CSMD1: variants seen among roughly 807,000 people sequenced by gnomAD.
CSMD1 encodes CUB and sushi domain-containing protein 1.
Under a neutral mutation model 417.5 loss-of-function variants are expected in CSMD1, and 213 were observed. The ratio of observed to expected loss-of-function variants is 0.51; its 90% confidence interval spans 0.46 to 0.57. The LOEUF is 0.57. Ranked by LOEUF, CSMD1 falls within the 20% of genes least tolerant of loss-of-function variation. CSMD1 has a pLI of 0.00. For missense variants in CSMD1, 6,923 were observed against 4,529.7 expected, an observed-to-expected ratio of 1.53 and a Z score of -15.17; for synonymous variants, 2,862 against 1,736.8, an observed-to-expected ratio of 1.65 and a Z score of -16.11.
At chr8:3,923,325 T>C (rs561390412) in intron 5 of CSMD1, among the ~76,000 whole-genome samples, 1 of 152,218 alleles carries the variant, frequency 6.6e-6, no homozygotes, top group Admixed American at 6.5e-5. Context: ...TATGTATATA[T>C]ACACATACAT....
At chr8:3,176,254 T>C (rs775279754) in intron 37 of CSMD1, among the ~76,000 whole-genome samples, 1 of 152,188 alleles carries the variant, frequency 6.6e-6, no homozygotes, top group African/African-American at 2.4e-5. Flanking sequence ...AAGCAATTCT[T>C]AATTAGAGGG....
At chr8:4,954,801 T>C (rs1808980195) in intron 1 of CSMD1, among the ~76,000 whole-genome samples, 1 of 152,114 alleles carries the variant, frequency 6.6e-6, no homozygotes, top group Non-Finnish European at 1.5e-5. Flanking sequence ...TACTTGACTT[T>C]AAGAAAAAAA....
intron 9 of CSMD1, among the ~76,000 whole-genome samples, chr8:3,583,681 T>C (rs550732345): frequency 6.6e-6 from 1 of 151,970 alleles, no homozygotes; most frequent in African/African-American, 2.4e-5. Flanking sequence ...TTTTGAAACT[T>C]CTCAGCCTCT....
intron 1 of CSMD1, among the ~76,000 whole-genome samples, chr8:4,877,003 T>C (rs1358889776): frequency 2.0e-5 from 3 of 152,082 alleles, no homozygotes; most frequent in African/African-American, 7.2e-5. Flanking sequence ...AATACAAAGA[T>C]AAAAGAGTTT....
intron 5 of CSMD1, among the ~76,000 whole-genome samples, chr8:3,888,046 T>C (rs1282501699): frequency 6.6e-6 from 1 of 152,172 alleles, no homozygotes; most frequent in African/African-American, 2.4e-5. Context: ...GTACAAAAGA[T>C]ATTGGAAAAT....
intron 8 of CSMD1, among the ~76,000 whole-genome samples, chr8:3,595,599 G>C (rs536567261): frequency 1.3e-5 from 2 of 152,124 alleles, no homozygotes; most frequent in Admixed American, 6.5e-5. Context: ...ATATAGGATG[G>C]TTCCAGGGTA....
At chr8:3,593,088 T>C (rs1446045736) in intron 8 of CSMD1, among the ~76,000 whole-genome samples, 1 of 152,132 alleles carries the variant, frequency 6.6e-6, no homozygotes, top group African/African-American at 2.4e-5. Flanking sequence ...TGGAGCTGAG[T>C]CCTGCTTAAA....
intron 3 of CSMD1, among the ~76,000 whole-genome samples, chr8:4,417,186 T>A (rs1796988114): frequency 6.6e-6 from 1 of 152,060 alleles, no homozygotes; most frequent in Non-Finnish European, 1.5e-5. Context: ...ATAATCAATG[T>A]TAGTATAAAA....
intron 3 of CSMD1, among the ~76,000 whole-genome samples, chr8:4,243,807 CA>C (rs1802541258): frequency 1.3e-5 from 2 of 152,184 alleles, no homozygotes; most frequent in African/African-American, 4.8e-5. Flanking sequence ...ATGACAAGGT[CA>C]TCTTTACAAT....
chr8:4,872,627 G>A lies in CSMD1; in HGVS notation c.85+121705C>T, dbSNP rs137949889. Among the ~76,000 whole-genome samples the A allele has an allele frequency of 1.4e-4, 21 of 152,144 alleles. No homozygotes were observed. The East Asian group carries it at 3.9e-3, about 28-fold the overall frequency. ...CCAGTCTCAGGCAGTTCTTTACAGT[G>A]GTATGAAAACAGTCTAATACACTGC... On this transcript the variant is annotated intron_variant, in intron 1 of 69. Transcript: ENST00000635120.
At chr8:4,710,490 G>A (rs920065478) in intron 1 of CSMD1, among the ~76,000 whole-genome samples, 3 of 145,294 alleles carry the variant, frequency 2.1e-5, no homozygotes, top group East Asian at 2.0e-4. Flanking sequence ...ATGTATCTCT[G>A]TCTCTCTCAA....
In CSMD1 at chr8:4,256,478, G is replaced by C. The variant is rs145960788; in HGVS notation, c.415+163475C>G. ...AGAGACATGAATTAACCGAGTACTGGTAAAGGGAGGTTCTCAGTGAGTGTA... is the reference window on the plus strand; with the variant it reads ...AGAGACATGAATTAACCGAGTACTGCTAAAGGGAGGTTCTCAGTGAGTGTA... On this transcript the variant is annotated intron_variant, in intron 3 of 69. Transcript: ENST00000635120. 1.8e-3 allele frequency among the ~76,000 whole-genome samples: 280 copies of C among 152,276 alleles called. 3 individuals carry two copies. The highest frequency in any genetic ancestry group is 6.5e-3 in the African/African-American group (272 of 41,548).
chr8:4,750,669 T>G (rs1038201988), intron 1 of CSMD1, among the ~76,000 whole-genome samples: 2 of 152,096 alleles, frequency 1.3e-5, no homozygotes, highest in African/African-American at 2.4e-5. Context: ...TCTAGTTTAT[T>G]ACAAATTCAT....
chr8:4,871,510 T>A (rs1163863874), intron 1 of CSMD1, among the ~76,000 whole-genome samples: 2 of 152,140 alleles, frequency 1.3e-5, no homozygotes, highest in Non-Finnish European at 2.9e-5. Context: ...TATCTGTAAA[T>A]GAATGGTCTC....
intron 2 of CSMD1, among the ~76,000 whole-genome samples, chr8:4,469,919 G>C (rs917904802): frequency 6.6e-6 from 1 of 151,326 alleles, no homozygotes; most frequent in East Asian, 2.0e-4. Context: ...CCTGGCTGGA[G>C]TGCAGTGGTG....
At chr8:3,539,846 C>G (rs1798364239) in intron 10 of CSMD1, among the ~76,000 whole-genome samples, 1 of 151,456 alleles carries the variant, frequency 6.6e-6, no homozygotes, top group Admixed American at 6.6e-5. Flanking sequence ...CGTGGAAAAT[C>G]TGGTGGATAA....
At chr8:4,710,760 G>C (rs1023228083) in intron 1 of CSMD1, among the ~76,000 whole-genome samples, 1 of 151,736 alleles carries the variant, frequency 6.6e-6, no homozygotes, top group Admixed American at 6.6e-5. Context: ...CAGGTAAAAT[G>C]CTTGAACCCG....
chr8:4,347,673 G>T (rs1156232200), intron 3 of CSMD1, among the ~76,000 whole-genome samples: 2 of 152,122 alleles, frequency 1.3e-5, no homozygotes, highest in Non-Finnish European at 2.9e-5. Flanking sequence ...GTATGCAATT[G>T]CAATGACTCC....
At chr8:3,970,661 T>C (rs1813018413) in intron 5 of CSMD1, among the ~76,000 whole-genome samples, 1 of 152,196 alleles carries the variant, frequency 6.6e-6, no homozygotes, top group East Asian at 1.9e-4. Flanking sequence ...GAACATCAAG[T>C]AGCACGTGGA....
Sources: allele counts gnomAD v4.1 joint callset (sites outside exome capture counted in the v4.1 genomes callset), GRCh38; gene constraint gnomAD v4.1.1; transcripts MANE v1.5; gene names NCBI Gene and HGNC (gene_info 2026-07-23, HGNC 2026-07-21).